The following EPHA6 variants were observed in gnomAD, a reference collection of about 807,000 sequenced individuals.
EPHA6 encodes EPH receptor A6, also known as ephrin type-A receptor 6.
In EPHA6, 50 loss-of-function variants were observed where a neutral mutation model predicts 112.0. The observed-to-expected ratio is 0.45, with a 90% confidence interval of 0.36 to 0.56. The LOEUF (loss-of-function observed/expected upper bound fraction) is 0.56. EPHA6 is among the 20% of genes least tolerant of loss of function. The pLI is 0.00. For missense variants in EPHA6, 1,280 were observed against 1,417.4 expected (o/e 0.90, Z 1.56); for synonymous variants, 529 against 490.7 (o/e 1.08, Z -1.03).
At position 97,757,568 on chromosome 3, in the gene EPHA6, GA is replaced by G. The variant is rs886280336; in HGVS notation, c.*8868del. Among the ~76,000 whole-genome samples the G allele has an allele frequency of 6.6e-6, 1 of 151,390 alleles. No homozygotes were observed. On this transcript the variant is annotated 3_prime_UTR_variant, in exon 18 of 18. Transcript: ENST00000389672. ...TAAATTATCCCATGGATAATAAAGA[GA>G]TTTTTTTCCAGCCATCATTAAATAT...
chr3:97,469,035 A>T (rs2091146741), intron 7 of EPHA6, among the ~76,000 whole-genome samples: 1 of 151,724 alleles, frequency 6.6e-6, no homozygotes, highest in Admixed American at 6.6e-5. Flanking sequence ...AACGTTTTTT[A>T]ATCATGCATC....
Position 97,239,650 on chromosome 3 carries a change from C to A in EPHA6, c.1271-4302C>A, listed in dbSNP as rs553268828. ...AGTGGATCATGATGAAGGTCTTTGCCCTCATTGTCTTCAGGTTGAGTAAGC... is the reference window on the plus strand; with the variant it reads ...AGTGGATCATGATGAAGGTCTTTGCACTCATTGTCTTCAGGTTGAGTAAGC... On this transcript the variant is annotated intron_variant, in intron 4 of 17. Transcript: ENST00000389672. 9.2e-5 allele frequency among the ~76,000 whole-genome samples: 14 copies of A among 151,598 alleles called. No homozygotes were observed. In the South Asian group the frequency reaches 2.7e-3, roughly 29 times the overall value.
intron 3 of EPHA6, among the ~76,000 whole-genome samples, chr3:97,128,324 A>T (rs778244378): frequency 1.3e-5 from 2 of 152,168 alleles, no homozygotes; most frequent in African/African-American, 4.8e-5. Context: ...CATGCATGCC[A>T]GTGTCTTTTT....
At chr3:97,275,991 A>G (rs1315088479) in intron 5 of EPHA6, among the ~76,000 whole-genome samples, 2 of 152,106 alleles carry the variant, frequency 1.3e-5, no homozygotes, top group African/African-American at 2.4e-5. Context: ...ACTAAAAAAG[A>G]GTGCATAAAA....
At position 97,503,988 on chromosome 3, in the gene EPHA6, T is replaced by C. The variant is rs1484249991; in HGVS notation, c.2200+19929T>C. On this transcript the variant is annotated intron_variant, in intron 10 of 17. Transcript: ENST00000389672. ...ATTCTATGCTGTGGAGCATTTAGGG[T>C]TATTCTTTCAATTTCCAGGATTTTA... 5.3e-5 allele frequency among the ~76,000 whole-genome samples: 8 copies of C among 152,320 alleles called. No individual in the cohort carries two copies. In the East Asian group the frequency reaches 1.5e-3, roughly 29 times the overall value.
At chr3:97,407,380 T>G (rs1470668124) in intron 6 of EPHA6, among the ~76,000 whole-genome samples, 1 of 141,326 alleles carries the variant, frequency 7.1e-6, no homozygotes. Context: ...ACACACCTTT[T>G]TAAAATACCT....
At chr3:97,497,917 T>C (rs560243589) in intron 10 of EPHA6, among the ~76,000 whole-genome samples, 68 of 151,850 alleles carry the variant, frequency 4.5e-4, no homozygotes, top group Non-Finnish European at 8.8e-4. Flanking sequence ...AGATAAGCAG[T>C]GATTGACAGC....
At chr3:97,426,427 T>G (rs1269841861) in intron 6 of EPHA6, among the ~76,000 whole-genome samples, 2 of 152,200 alleles carry the variant, frequency 1.3e-5, no homozygotes, top group Non-Finnish European at 2.9e-5. Flanking sequence ...ACCCCCATAA[T>G]TCAATTATTT....
At chr3:97,136,347 A>T (rs751872621) in intron 3 of EPHA6, among the ~76,000 whole-genome samples, 2 of 152,210 alleles carry the variant, frequency 1.3e-5, no homozygotes, top group Non-Finnish European at 1.5e-5. Flanking sequence ...ACAATAAGAC[A>T]GTAAAATCCT....
At chr3:97,390,425 A>G (rs1392580246) in intron 5 of EPHA6, among the ~76,000 whole-genome samples, 3 of 151,784 alleles carry the variant, frequency 2.0e-5, no homozygotes, top group African/African-American at 7.3e-5. Context: ...TAGATATATG[A>G]TATGTATATT....
chr3:97,106,522 C>G (rs1339798521), intron 3 of EPHA6, among the ~76,000 whole-genome samples: 1 of 152,086 alleles, frequency 6.6e-6, no homozygotes, highest in Non-Finnish European at 1.5e-5. Flanking sequence ...GCTCCATCCC[C>G]CTTCTGGCTT....
intron 5 of EPHA6, among the ~76,000 whole-genome samples, chr3:97,268,338 T>C (rs772155120): frequency 6.6e-5 from 10 of 152,216 alleles, no homozygotes; most frequent in Non-Finnish European, 1.5e-4. Flanking sequence ...TTAATCACTA[T>C]AGGATAAAAG....
chr3:97,103,094 C>G (rs1261323148), intron 3 of EPHA6, among the ~76,000 whole-genome samples: 1 of 152,076 alleles, frequency 6.6e-6, no homozygotes, highest in African/African-American at 2.4e-5. Context: ...TTTACTTACT[C>G]TATTGATAGT....
In EPHA6 at chr3:96,814,601, G is replaced by T; in HGVS notation, c.-23G>T. The T allele has an allele frequency of 2.2e-6, 3 of 1,359,588 alleles. No individual in the cohort carries two copies. Among genetic ancestry groups the T allele is most frequent in the Non-Finnish European group, 1.9e-6 (2 of 1,051,740 alleles). 84.2% of individuals were successfully genotyped at this position (1,359,588 alleles called of 1,614,324 possible). ...TCTCCGGCCCAAGTGAATAGTCCTC[G>T]CGCAAGCGGGACACTGTGGTGGATG... On this transcript the variant is annotated 5_prime_UTR_variant, in exon 1 of 18. Transcript: ENST00000389672.
intron 3 of EPHA6, among the ~76,000 whole-genome samples, chr3:97,157,916 G>A (rs1454022185): frequency 6.6e-6 from 1 of 152,136 alleles, no homozygotes; most frequent in Non-Finnish European, 1.5e-5. Context: ...TTGGTCAAAT[G>A]TCTAGGTATT....
chr3:96,998,635 C>A (rs1279878282), intron 3 of EPHA6, among the ~76,000 whole-genome samples: 5 of 151,844 alleles, frequency 3.3e-5, no homozygotes, highest in African/African-American at 1.2e-4. Flanking sequence ...ATTGTCATTT[C>A]TTGGGAGATT....
chr3:97,292,956 G>A (rs535613375), intron 5 of EPHA6, among the ~76,000 whole-genome samples: 1 of 149,022 alleles, frequency 6.7e-6, no homozygotes, highest in South Asian at 2.2e-4. Context: ...TCATCTCACC[G>A]AGCATCCAGT....
intron 5 of EPHA6, among the ~76,000 whole-genome samples, chr3:97,374,761 T>C (rs1039226724): frequency 2.0e-5 from 3 of 152,090 alleles, no homozygotes; most frequent in African/African-American, 7.2e-5. Flanking sequence ...AGAATAAAAT[T>C]ATGTCCTTTA....
intron 16 of EPHA6, among the ~76,000 whole-genome samples, chr3:97,744,169 T>TC (rs2035620252): frequency 6.6e-6 from 1 of 152,056 alleles, no homozygotes; most frequent in Admixed American, 6.6e-5. Flanking sequence ...TTCTCATTTT[T>TC]CTGAGGAAAA....
Sources: gnomAD v4.1 joint callset for allele counts (sites outside exome capture counted in the v4.1 genomes callset) on GRCh38, gnomAD v4.1.1 for gene constraint, MANE v1.5 for transcripts, NCBI Gene and HGNC (gene_info 2026-07-23, HGNC 2026-07-21) for gene names.